The following SUGCT variants were observed in gnomAD, a reference collection of about 807,000 sequenced individuals.
SUGCT encodes succinyl-CoA:glutarate CoA-transferase.
SUGCT carries 41 observed loss-of-function variants against 55.0 expected under a neutral mutation model. The observed-to-expected ratio is 0.74, with a 90% CI of 0.58 to 0.97. SUGCT has a LOEUF of 0.97. Ranked by LOEUF, SUGCT falls within the 50% of genes least tolerant of loss-of-function variation. The pLI, the probability that SUGCT is intolerant of heterozygous loss-of-function variation, is 0.00. For synonymous variants in SUGCT, 187 were observed against 200.4 expected, an observed-to-expected ratio of 0.93 and a Z score of 0.56; for missense variants, 568 against 547.8, an observed-to-expected ratio of 1.04 and a Z score of -0.37.
intron 9 of SUGCT, among the ~76,000 whole-genome samples, chr7:40,395,489 C>CAAAAAAAAAAAA (rs36068766): frequency 2.2e-5 from 1 of 46,132 alleles, no homozygotes; most frequent in Non-Finnish European, 4.4e-5. Flanking sequence ...AACTCTGTCT[C>CAAAAAAAAAAAA]AAAAAAAAAA....
At chr7:40,312,741 A>C (rs1795229387) in intron 8 of SUGCT, among the ~76,000 whole-genome samples, 1 of 152,166 alleles carries the variant, frequency 6.6e-6, no homozygotes, top group Non-Finnish European at 1.5e-5. Context: ...GATGATGTTG[A>C]AATAGACTTT....
chr7:40,261,484 CAT>C (rs1791219364), intron 7 of SUGCT, among the ~76,000 whole-genome samples: 1 of 152,166 alleles, frequency 6.6e-6, no homozygotes, highest in African/African-American at 2.4e-5. Flanking sequence ...TGTATCCCAA[CAT>C]ATGTACTAAG....
intron 3 of SUGCT, among the ~76,000 whole-genome samples, chr7:40,184,698 T>C (rs986993103): frequency 6.6e-6 from 1 of 152,138 alleles, no homozygotes; most frequent in Non-Finnish European, 1.5e-5. Context: ...CAAGATCTGA[T>C]CCTACGGGTC....
chr7:40,505,106 A>G (rs984455868), intron 12 of SUGCT, among the ~76,000 whole-genome samples: 4 of 152,308 alleles, frequency 2.6e-5, no homozygotes, highest in East Asian at 1.9e-4. Flanking sequence ...CTGTCTTACC[A>G]GTATGAAGGT....
At chr7:40,159,419 G>A (rs994361577) in intron 1 of SUGCT, among the ~76,000 whole-genome samples, 4 of 151,984 alleles carry the variant, frequency 2.6e-5, no homozygotes, top group Admixed American at 2.6e-4. Flanking sequence ...TTGCCAGGCT[G>A]GAGTGCAGTG....
At chr7:40,370,623 G>A (rs1338418936) in intron 9 of SUGCT, among the ~76,000 whole-genome samples, 1 of 142,670 alleles carries the variant, frequency 7.0e-6, no homozygotes, top group African/African-American at 2.6e-5. Flanking sequence ...GAGAGAGATG[G>A]GGGAGAGAGA....
rs568131222 is a variant in SUGCT at position 40,573,686 on chromosome 7, G to C, written c.1089+77300G>C. On this transcript the variant is annotated intron_variant, in intron 12 of 13. Transcript: ENST00000335693. ...AGCTTTGATTTTCATTGTGTCCTAC[G>C]GTTTTGAGAAATGGCAGATGCCTTA... 1.5e-4 allele frequency among the ~76,000 whole-genome samples: 23 copies of C among 152,270 alleles called. No homozygotes were observed. In the South Asian group the frequency reaches 4.8e-3, roughly 32 times the overall value.
At chr7:40,219,803 TAAG>T (rs1787923436) in intron 6 of SUGCT, among the ~76,000 whole-genome samples, 1 of 152,176 alleles carries the variant, frequency 6.6e-6, no homozygotes, top group Non-Finnish European at 1.5e-5. Context: ...AAATTAAAAT[TAAG>T]AAATTAAAAG....
rs187657684 is a variant in SUGCT at position 40,594,231 on chromosome 7, C to T, written c.1089+97845C>T. Among the ~76,000 whole-genome samples the T allele has an allele frequency of 7.0e-4, 105 of 150,564 alleles. 2 individuals carry two copies. The East Asian group carries it at 8.0e-3, about 12-fold the overall frequency. ...GGGAGAGATCCCTAATGCTAGATGA[C>T]GAGTTAGTGGGTGCAGCGCACCAGC... On this transcript the variant is annotated intron_variant, in intron 12 of 13. Transcript: ENST00000335693.
chr7:40,561,688 C>CTTT lies in SUGCT; in HGVS notation c.1089+65321_1089+65323dup, dbSNP rs777766517. ...AGAGGTGGAGATGCTTAAGCCGAGT[C>CTTT]TTTTTTTTTTTTTTTTTTTTTGAGA... On this transcript the variant is annotated intron_variant, in intron 12 of 13. Coordinates refer to ENST00000335693, the MANE Select transcript of SUGCT (RefSeq NM_001193313.2). Among the ~76,000 whole-genome samples, 849 of 100,128 alleles carry CTTT rather than the reference C, an allele frequency of 8.5e-3. 31 individuals are homozygous for CTTT. The highest frequency in any genetic ancestry group is 0.011 in the Non-Finnish European group (577 of 51,128). 65.7% of individuals were successfully genotyped at this position (100,128 alleles called of 152,430 possible). A position where few individuals can be genotyped will look rare whatever the true frequency, so the allele number is the denominator to read the frequency against.
chr7:40,850,019 A>T (rs1395996311), intron 13 of SUGCT, among the ~76,000 whole-genome samples: 1 of 152,264 alleles, frequency 6.6e-6, no homozygotes, highest in East Asian at 1.9e-4. Flanking sequence ...GGAGGTAATA[A>T]CAAGTATTTA....
the SUGCT span, among the ~76,000 whole-genome samples, chr7:40,874,929 G>A: frequency 6.6e-6 from 1 of 152,218 alleles, no homozygotes; most frequent in Non-Finnish European, 1.5e-5. Context: ...CTGCTCCATG[G>A]AAAGTATCAG....
chr7:40,619,814 T>C (rs1799181558), intron 12 of SUGCT, among the ~76,000 whole-genome samples: 2 of 152,246 alleles, frequency 1.3e-5, no homozygotes, highest in Admixed American at 1.3e-4. Flanking sequence ...GGGCTGATAG[T>C]TTCCATTAGT....
chr7:40,591,901 G>T (rs1584075453), intron 12 of SUGCT, among the ~76,000 whole-genome samples: 1 of 152,192 alleles, frequency 6.6e-6, no homozygotes, highest in Non-Finnish European at 1.5e-5. Flanking sequence ...TATATGCACT[G>T]GAAACCACAA....
chr7:40,425,888 T>C (rs1215501264), intron 9 of SUGCT, among the ~76,000 whole-genome samples: 1 of 152,192 alleles, frequency 6.6e-6, no homozygotes, highest in Admixed American at 6.5e-5. Flanking sequence ...GCCTTGTTAA[T>C]GAATGCTTGG....
chr7:40,187,904 C>T (rs949101262), intron 3 of SUGCT, among the ~76,000 whole-genome samples: 1 of 151,908 alleles, frequency 6.6e-6, no homozygotes, highest in Non-Finnish European at 1.5e-5. Context: ...GTGGCTCATA[C>T]CTGTAATCCC....
chr7:40,157,503 T>C (rs1313963826), intron 1 of SUGCT, among the ~76,000 whole-genome samples: 1 of 152,200 alleles, frequency 6.6e-6, no homozygotes, highest in African/African-American at 2.4e-5. Context: ...AAACTTTGTG[T>C]TTACTTTCAG....
intron 9 of SUGCT, among the ~76,000 whole-genome samples, chr7:40,341,033 G>A (rs1330707352): frequency 6.6e-6 from 1 of 152,166 alleles, no homozygotes; most frequent in East Asian, 1.9e-4. Flanking sequence ...TCCATTATGA[G>A]GGTCTGAAGA....
At chr7:40,853,126 T>A (rs1045595562) in intron 13 of SUGCT, among the ~76,000 whole-genome samples, 3 of 150,464 alleles carry the variant, frequency 2.0e-5, no homozygotes, top group African/African-American at 7.3e-5. Context: ...AGGGTCCAGG[T>A]CTATGTTTTG....
Sources: gnomAD v4.1 joint callset for allele counts (sites outside exome capture counted in the v4.1 genomes callset) on GRCh38, gnomAD v4.1.1 for gene constraint, MANE v1.5 for transcripts, NCBI Gene and HGNC (gene_info 2026-07-23, HGNC 2026-07-21) for gene names.